LAMA3: variants seen among roughly 807,000 people sequenced by gnomAD.
The protein encoded by LAMA3 is laminin subunit alpha 3.
In LAMA3, 281 loss-of-function variants were observed where a neutral mutation model predicts 402.0. The ratio of observed to expected loss-of-function variants is 0.70; its 90% CI spans 0.63 to 0.77. LAMA3 has a LOEUF of 0.77. LAMA3 is among the 30% of genes least tolerant of loss of function. The pLI, the probability that LAMA3 is intolerant of heterozygous loss-of-function variation, is 0.00. For synonymous variants in LAMA3, 1,431 were observed against 1,558.4 expected (o/e 0.92, Z 1.93); for missense variants, 3,840 against 4,215.5 (o/e 0.91, Z 2.47).
At chr18:23,785,937 A>G (rs2062536753) in intron 12 of LAMA3, among the ~76,000 whole-genome samples, 1 of 152,170 alleles carries the variant, frequency 6.6e-6, no homozygotes, top group Admixed American at 6.5e-5. Context: ...TACTAGAGCT[A>G]ATTTATTTTA....
chr18:23,808,784 A>T (rs969836420), intron 12 of LAMA3, among the ~76,000 whole-genome samples: 2 of 152,226 alleles, frequency 1.3e-5, no homozygotes, highest in Non-Finnish European at 2.9e-5. Context: ...TTCACCATAC[A>T]TGGGCTGGGC....
intron 38 of LAMA3, among the ~76,000 whole-genome samples, chr18:23,873,529 G>T (rs1245014373): frequency 6.6e-6 from 1 of 152,184 alleles, no homozygotes; most frequent in African/African-American, 2.4e-5. Flanking sequence ...GAACAAAAGA[G>T]TCCAATGCCT....
chr18:23,853,015 A>C lies in LAMA3; in HGVS notation c.4137-4829A>C, dbSNP rs542822880. The stretch of plus-strand genomic sequence containing the variant: ...ATCGCCTCATCATCTCATTGGCCAA[A>C]GCAAGTTGACTGCTTAGCCAGCTTC... On this transcript the variant is annotated intron_variant, in intron 32 of 74. Transcript: ENST00000313654. Among the ~76,000 whole-genome samples, 21 of 152,210 alleles carry C rather than the reference A, an allele frequency of 1.4e-4. 1 individual carries two copies. The South Asian group carries it at 4.2e-3, about 30-fold the overall frequency.
intron 44 of LAMA3, among the ~76,000 whole-genome samples, chr18:23,897,603 A>G (rs2080918975): frequency 6.6e-6 from 1 of 152,192 alleles, no homozygotes; most frequent in Non-Finnish European, 1.5e-5. Context: ...GCCTAGAATC[A>G]TGGTGGTTCT....
chr18:23,847,055 G>A (rs1209322650), intron 31 of LAMA3, among the ~76,000 whole-genome samples: 1 of 152,236 alleles, frequency 6.6e-6, no homozygotes, highest in Non-Finnish European at 1.5e-5. Context: ...CAGAGGCCAA[G>A]GAACAAGAAC....
In LAMA3 at chr18:23,689,886, A is replaced by C; in HGVS notation, c.203A>C (p.Glu68Ala). ...ARIWATATCG[E>A]RGPGEGRPQP... is the part of the protein sequence containing the mutation. The stretch of plus-strand genomic sequence containing the variant: ...ATTTGGGCCACCGCCACCTGCGGGG[A>C]GAGGGGACCCGGCGAGGGGAGGCCC... The change falls in exon 1 of 75, where the codon GAG (glutamate) becomes GCG (alanine). Residue 68 changes from glutamate (E) to alanine (A), a missense_variant. By Grantham distance (107) the Glu-to-Ala change is moderately radical. Around this residue, in one of 3 missense-constraint regions of LAMA3, gnomAD observed 2,109 missense variants for 2,376.0 expected, o/e 0.89. Coordinates refer to ENST00000313654, the MANE Select transcript of LAMA3 (RefSeq NM_198129.4). The C allele has an allele frequency of 6.5e-7, 1 of 1,541,360 alleles. No individual in the cohort carries two copies. The highest frequency in any genetic ancestry group is 8.7e-7 in the Non-Finnish European group (1 of 1,143,698).
At chr18:23,755,168 G>C (rs1319353447) in intron 6 of LAMA3, among the ~76,000 whole-genome samples, 1 of 152,226 alleles carries the variant, frequency 6.6e-6, no homozygotes, top group Non-Finnish European at 1.5e-5. Context: ...GGAGAGAGGA[G>C]AGAAGAGGTC....
intron 38 of LAMA3, chr18:23,873,324 G>C (rs2064594891): frequency 1.0e-6 from 1 of 963,990 alleles, no homozygotes; most frequent in South Asian, 1.3e-5. Context: ...CTGAGGAGGG[G>C]CTGATGGCCT....
intron 69 of LAMA3, among the ~76,000 whole-genome samples, chr18:23,945,305 G>T (rs925848620): frequency 6.6e-6 from 1 of 152,216 alleles, no homozygotes; most frequent in South Asian, 2.1e-4. Flanking sequence ...CCGCCAGGAC[G>T]CATGCTGAAG....
intron 66 of LAMA3, chr18:23,932,502 C>T (rs750204265): frequency 1.6e-5 from 8 of 513,810 alleles, no homozygotes; most frequent in African/African-American, 5.8e-5. Flanking sequence ...GGAGGAGCAG[C>T]GTTAGCATGT....
Position 23,777,598 on chromosome 18 carries a change from C to A in LAMA3, c.1447C>A (p.Pro483Thr). ...TGTTTCTACACCAAGTTCAGAAGAT[C>A]CAGTAGCTGGAGATATAAAAGGCAA... ...FPVSTPSSED[P>T]VAGDIKGCDC... Residue 483 changes from proline to threonine, a missense_variant, in exon 11 of 75, where the codon CCA (proline) becomes ACA (threonine). This residue lies in a region of LAMA3 where 2,109 missense variants were observed against 2,376.0 expected (regional missense o/e 0.89). Coordinates refer to ENST00000313654, the MANE Select transcript of LAMA3 (RefSeq NM_198129.4). 6.2e-7 allele frequency: 1 copy of A among 1,611,842 alleles called. No homozygotes were observed. The highest frequency in any genetic ancestry group is 1.3e-5 in the African/African-American group (1 of 75,008).
intron 9 of LAMA3, 135 bp downstream of exon 9, chr18:23,773,722 AC>A: frequency 1.4e-6 from 1 of 693,258 alleles, no homozygotes; most frequent in South Asian, 1.5e-5. Context: ...TCGCTATGTG[AC>A]CTCAGTCACT....
chr18:23,699,053 AG>A (rs763990723), intron 1 of LAMA3, among the ~76,000 whole-genome samples: 1 of 150,200 alleles, frequency 6.7e-6, no homozygotes, highest in African/African-American at 2.4e-5. Context: ...AGAGAGAGAG[AG>A]AAAGAAAAGA....
At chr18:23,735,100 AG>A (rs2061451748) in intron 2 of LAMA3, among the ~76,000 whole-genome samples, 1 of 152,216 alleles carries the variant, frequency 6.6e-6, no homozygotes, top group Admixed American at 6.5e-5. Context: ...CAAGAAGGAA[AG>A]GGTTCCTCGT....
intron 32 of LAMA3, among the ~76,000 whole-genome samples, chr18:23,850,268 A>G (rs2063914631): frequency 6.6e-6 from 1 of 152,268 alleles, no homozygotes; most frequent in Admixed American, 6.5e-5. Flanking sequence ...TTATCATACT[A>G]TAAGAAAATC....
At chr18:23,872,732 T>C in intron 38 of LAMA3, 1 of 392,932 alleles carries the variant, frequency 2.5e-6, no homozygotes, top group Non-Finnish European at 4.8e-6. Flanking sequence ...GGACTCTGGA[T>C]TTCCACCCTC....
intron 7 of LAMA3, among the ~76,000 whole-genome samples, chr18:23,762,314 C>T (rs1044132449): frequency 2.0e-5 from 3 of 151,910 alleles, no homozygotes; most frequent in African/African-American, 4.8e-5. Context: ...AATGGCTGGG[C>T]GAGGTGGCTC....
chr18:23,813,230 ATTG>A, intron 14 of LAMA3, 127 bp downstream of exon 14: 5 of 679,748 alleles, frequency 7.4e-6, no homozygotes, highest in Non-Finnish European at 1.0e-5. Context: ...TAAAGAGGTC[ATTG>A]TTGTTTTTCA....
At chr18:23,744,954 G>A (rs1032512388) in intron 2 of LAMA3, among the ~76,000 whole-genome samples, 3 of 151,572 alleles carry the variant, frequency 2.0e-5, no homozygotes, top group Admixed American at 1.3e-4. Flanking sequence ...ATTAAATTCC[G>A]AAATGGGAAA....
Sources: allele counts gnomAD v4.1 joint callset (sites outside exome capture counted in the v4.1 genomes callset), GRCh38; gene constraint gnomAD v4.1.1; regional missense constraint gnomAD v4.1.1; transcripts MANE v1.5; gene names NCBI Gene and HGNC (gene_info 2026-07-23, HGNC 2026-07-21).